The following SLC25A20 variants were observed in gnomAD, a reference collection of about 807,000 sequenced individuals.
SLC25A20 encodes mitochondrial carnitine/acylcarnitine carrier protein.
A neutral mutation model predicts 39.7 loss-of-function variants in SLC25A20; 29 were observed. The observed-to-expected ratio is 0.73, with a 90% CI of 0.54 to 1.00. The LOEUF is 1.00. Ranked by LOEUF, SLC25A20 falls within the 50% of genes least tolerant of loss-of-function variation. The probability of loss-of-function intolerance (pLI) is 0.00; values close to 1 mark genes in which losing one functional copy is unlikely to be tolerated. For missense variants in SLC25A20, 333 were observed against 379.9 expected (o/e 0.88, Z 1.03); for synonymous variants, 103 against 142.2 (o/e 0.72, Z 1.96).
At chr3:48,858,103 G>A (rs984236515) in intron 8 of SLC25A20, among the ~76,000 whole-genome samples, 2 of 151,902 alleles carry the variant, frequency 1.3e-5, no homozygotes, top group Admixed American at 1.3e-4. Context: ...GAGTAGCTGG[G>A]ATTACAGGCA....
At position 48,875,351 on chromosome 3, in the gene SLC25A20, C is replaced by T. The variant is rs538278598; in HGVS notation, c.417+4007G>A. 3.0e-4 allele frequency among the ~76,000 whole-genome samples: 45 copies of T among 152,160 alleles called. No homozygotes were observed. In the East Asian group the frequency reaches 3.5e-3, roughly 12 times the overall value. On this transcript the variant is annotated intron_variant, in intron 4 of 8. Transcript: ENST00000319017. ...CTCCTGACCTCGTGATCCACCCCCTCGGCCTCCTAAAGTGCTGGGATTACT... is the reference window on the plus strand; with the variant it reads ...CTCCTGACCTCGTGATCCACCCCCTTGGCCTCCTAAAGTGCTGGGATTACT...
intron 2 of SLC25A20, among the ~76,000 whole-genome samples, chr3:48,890,738 T>C (rs1404327217): frequency 1.4e-5 from 2 of 142,442 alleles, no homozygotes; most frequent in Non-Finnish European, 3.0e-5. Context: ...CACTGCAAGC[T>C]CCGCCTCCTG....
intron 2 of SLC25A20, among the ~76,000 whole-genome samples, chr3:48,891,725 G>A (rs1334883907): frequency 2.0e-5 from 3 of 152,044 alleles, no homozygotes; most frequent in Non-Finnish European, 2.9e-5. Flanking sequence ...CTAGTTCTCC[G>A]TCGTCTAAAT....
At position 48,858,518 on chromosome 3, in the gene SLC25A20, G is replaced by A. The variant is rs769447247; in HGVS notation, c.832C>T (p.Pro278Ser). The change falls in exon 8 of 9, where the codon CCA becomes TCA. Residue 278 changes from proline to serine, a missense_variant. By Grantham distance (74) the Pro-to-Ser change is moderately conservative. Coordinates refer to ENST00000319017, the MANE Select transcript of SLC25A20 (RefSeq NM_000387.6). ...TGCCAGCTACTCACCGCATTGGCTGGGAAGGCTCGGATCATCACTGCATTG... is the reference window on the plus strand; with the variant it reads ...TGCCAGCTACTCACCGCATTGGCTGAGAAGGCTCGGATCATCACTGCATTG... ...GFNAVMIRAF[P>S]ANAACFLGFE... The A allele has an allele frequency of 3.1e-6, 5 of 1,614,172 alleles. No individual in the cohort carries two copies. Among genetic ancestry groups the A allele is most frequent in the Middle Eastern group, 1.7e-4 (1 of 6,058 alleles).
intron 1 of SLC25A20, among the ~76,000 whole-genome samples, chr3:48,893,059 C>T (rs1473102652): frequency 6.6e-6 from 1 of 151,444 alleles, no homozygotes; most frequent in Admixed American, 6.6e-5. Context: ...CAAGGTTTCA[C>T]TCTGTCACTC....
At chr3:48,885,348 C>T (rs955966823) in intron 2 of SLC25A20, among the ~76,000 whole-genome samples, 1 of 151,906 alleles carries the variant, frequency 6.6e-6, no homozygotes, top group African/African-American at 2.4e-5. Context: ...ACATAAATAC[C>T]CTGCCAAACA....
At chr3:48,878,277 T>A (rs1185596155) in intron 4 of SLC25A20, among the ~76,000 whole-genome samples, 1,792 of 127,194 alleles carry the variant, frequency 0.014, 33 homozygotes, top group African/African-American at 0.05. Flanking sequence ...AAAAAAAATA[T>A]ATATATATAT....
At chr3:48,874,794 C>G (rs553926465) in intron 4 of SLC25A20, among the ~76,000 whole-genome samples, 3 of 152,116 alleles carry the variant, frequency 2.0e-5, no homozygotes, top group South Asian at 4.2e-4. Flanking sequence ...CACCTGTAAT[C>G]TCAGCATTTT....
Position 48,892,062 on chromosome 3 carries a change from T to C in SLC25A20, c.116A>G (p.Gln39Arg), listed in dbSNP as rs2083881929. 1 of 1,613,924 alleles carries C rather than the reference T, an allele frequency of 6.2e-7. No individual in the cohort carries two copies. Among genetic ancestry groups the C allele is most frequent in the Non-Finnish European group, 8.5e-7 (1 of 1,179,858 alleles). ...HPLDTVKVRL[Q>R]TQPPSLPGQP... Reference sequence around the variant, plus strand: ...TCCAGGCAAACTCGGTGGCTGTGTCTGCAGTCGGACCTGAAAACAGAAGTT... The same window carrying C: ...TCCAGGCAAACTCGGTGGCTGTGTCCGCAGTCGGACCTGAAAACAGAAGTT... The change falls in exon 2 of 9, where the codon CAG (glutamine) becomes CGG (arginine). Residue 39 changes from glutamine to arginine, a missense_variant. Gln to Arg is a conservative substitution (Grantham distance 43, BLOSUM62 1). Transcript: ENST00000319017.
chr3:48,878,262 C>CAAAAAAAAAA (rs1257374907), intron 4 of SLC25A20, among the ~76,000 whole-genome samples: 2 of 106,874 alleles, frequency 1.9e-5, no homozygotes, highest in African/African-American at 7.5e-5. Flanking sequence ...TCCATCTCCA[C>CAAAAAAAAAA]AAAAAAAAAA....
rs755691674 is a variant in SLC25A20 at position 48,898,676 on chromosome 3, C to T, written c.105+14G>A. The T allele has an allele frequency of 3.6e-5, 57 of 1,589,862 alleles. No individual in the cohort carries two copies. Among genetic ancestry groups the T allele is most frequent in the Admixed American group, 7.1e-5 (4 of 56,580 alleles). Reference sequence around the variant, plus strand: ...GGGCCTCCTCCCCAAAGCCTGCGACCCAGCCTCCCGCACCTTGACCGTGTC... The same window carrying T: ...GGGCCTCCTCCCCAAAGCCTGCGACTCAGCCTCCCGCACCTTGACCGTGTC... On this transcript the variant is annotated intron_variant, in intron 1 of 8. Coordinates refer to ENST00000319017, the MANE Select transcript of SLC25A20 (RefSeq NM_000387.6).
intron 4 of SLC25A20, among the ~76,000 whole-genome samples, chr3:48,871,638 G>A (rs961820852): frequency 1.3e-5 from 2 of 151,832 alleles, no homozygotes; most frequent in Non-Finnish European, 2.9e-5. Flanking sequence ...ATGGTGGCGC[G>A]TGCCTGTAAT....
At chr3:48,886,178 TATAAA>T (rs769831736) in intron 2 of SLC25A20, among the ~76,000 whole-genome samples, 35 of 152,178 alleles carry the variant, frequency 2.3e-4, no homozygotes, top group Admixed American at 1.6e-3. Context: ...AGAGCTAAAA[TATAAA>T]ATAATGTACC....
chr3:48,892,000 G>A lies in SLC25A20; in HGVS notation c.178C>T (p.Arg60Trp), dbSNP rs764319600. The A allele has an allele frequency of 9.9e-6, 16 of 1,613,678 alleles. No homozygotes were observed. The highest frequency in any genetic ancestry group is 1.3e-5 in the African/African-American group (1 of 74,892). Residue 60 changes from arginine (R) to tryptophan (W), a missense_variant, in exon 2 of 9, where the codon CGG becomes TGG. Arg to Trp is a moderately radical substitution (Grantham distance 101). Coordinates refer to ENST00000319017, the MANE Select transcript of SLC25A20 (RefSeq NM_000387.6). The part of the protein sequence containing the change: ...PMYSGTFDCF[R>W]KTLFREGITG... ...CCAACCTCTCTAAAAAGAGTCTTCC[G>A]GAAACAGTCAAAGGTCCCAGAGTAC...
At chr3:48,872,504 G>A (rs940627128) in intron 4 of SLC25A20, among the ~76,000 whole-genome samples, 13 of 151,494 alleles carry the variant, frequency 8.6e-5, no homozygotes, top group Admixed American at 1.3e-4. Flanking sequence ...TGATATAAGC[G>A]GAGGTCAAAG....
At chr3:48,869,123 C>T (rs755887814) in intron 4 of SLC25A20, among the ~76,000 whole-genome samples, 3 of 152,094 alleles carry the variant, frequency 2.0e-5, no homozygotes, top group African/African-American at 4.8e-5. Context: ...TGCATCCTTC[C>T]CTTCCTGCTG....
intron 7 of SLC25A20, 93 bp from the exon 8 acceptor site, chr3:48,858,724 A>G (rs2083599758): frequency 1.3e-6 from 2 of 1,506,406 alleles, no homozygotes; most frequent in African/African-American, 2.7e-5. Flanking sequence ...GGGAAAGGAC[A>G]CCTTGCAGGT....
chr3:48,877,803 C>T (rs934153987), intron 4 of SLC25A20, among the ~76,000 whole-genome samples: 2 of 151,902 alleles, frequency 1.3e-5, no homozygotes, highest in African/African-American at 2.4e-5. Flanking sequence ...GCAGAAGCAG[C>T]CTCCGTTCTA....
intron 4 of SLC25A20, among the ~76,000 whole-genome samples, chr3:48,871,343 T>TA (rs752213351): frequency 8.4e-4 from 115 of 137,650 alleles, no homozygotes; most frequent in Middle Eastern, 3.7e-3. Context: ...TGGAACAATT[T>TA]AAAAAAAAAA....
Sources: allele counts gnomAD v4.1 joint callset (sites outside exome capture counted in the v4.1 genomes callset), GRCh38; gene constraint gnomAD v4.1.1; transcripts MANE v1.5; gene names NCBI Gene and HGNC (gene_info 2026-07-23, HGNC 2026-07-21).